Variants in NFKB1 observed in about 807,000 individuals in gnomAD.
NFKB1 encodes the protein nuclear factor NF-kappa-B p105 subunit.
A neutral mutation model predicts 105.1 loss-of-function variants in NFKB1; 9 were observed. The ratio of observed to expected loss-of-function variants is 0.09; its 90% CI spans 0.05 to 0.15. NFKB1 has a LOEUF of 0.15. NFKB1 is among the 10% of genes least tolerant of loss of function. NFKB1 has a pLI of 1.00. For synonymous variants in NFKB1, 440 were observed against 442.2 expected (o/e 1.00, Z 0.06); for missense variants, 830 against 1,203.7 (o/e 0.69, Z 4.59).
chr4:102,615,196 C>T (rs1350317922), intron 23 of NFKB1, among the ~76,000 whole-genome samples: 2 of 152,202 alleles, frequency 1.3e-5, no homozygotes, highest in Admixed American at 1.3e-4. Flanking sequence ...AATCCTGATC[C>T]AGCATACACT....
chr4:102,557,664 T>A (rs938611003), intron 5 of NFKB1, among the ~76,000 whole-genome samples: 1 of 151,990 alleles, frequency 6.6e-6, no homozygotes, highest in African/African-American at 2.4e-5. Flanking sequence ...AAATGAAGCA[T>A]AGAGGAAATA....
In NFKB1 at chr4:102,593,527, G is replaced by T. The variant is rs1726346285; in HGVS notation, c.1169G>T (p.Gly390Val). ...GGAGCTGGAGGCGGAGGCATGTTTG[G>T]TAGTGGCGGTGGAGGAGGGGGCACT... is the stretch of plus-strand genomic sequence containing the variant. Reference protein sequence around the residue: ...GAGAGGGGMFGSGGGGGGTGS... With the variant: ...GAGAGGGGMFVSGGGGGGTGS... Residue 390 changes from glycine to valine, a missense_variant, in exon 12 of 24, where the codon GGT becomes GTT. Gly to Val is a moderately radical substitution (Grantham distance 109, BLOSUM62 -3). Around this residue, in one of 8 missense-constraint regions of NFKB1, gnomAD observed 163 missense variants for 164.3 expected, o/e 0.99. Coordinates refer to ENST00000226574, the MANE Select transcript of NFKB1 (RefSeq NM_003998.4). The T allele has an allele frequency of 2.5e-6, 4 of 1,613,800 alleles. No individual in the cohort carries two copies. The highest frequency in any genetic ancestry group is 3.4e-6 in the Non-Finnish European group (4 of 1,179,720).
At chr4:102,611,142 CT>C (rs1198803603) in intron 20 of NFKB1, among the ~76,000 whole-genome samples, 4 of 152,142 alleles carry the variant, frequency 2.6e-5, no homozygotes, top group Non-Finnish European at 4.4e-5. Flanking sequence ...GATTTAAAGC[CT>C]TCCTCAAAAC....
In NFKB1 at chr4:102,600,987, A is replaced by G; in HGVS notation, c.1730A>G (p.Asn577Ser). Residue 577 changes from asparagine (N) to serine (S), a missense_variant, in exon 16 of 24, where the codon AAC becomes AGC. This residue lies in a region of NFKB1 where 418 missense variants were observed against 575.3 expected (regional missense o/e 0.73). Transcript: ENST00000226574. The part of the protein sequence containing the change: ...TSGLISDDII[N>S]MRNDLYQTPL... Reference sequence around the variant, plus strand: ...GGTTTGATTTCTGATGACATTATCAACATGAGAAATGATCTGTACCAGGTA... The same window carrying G: ...GGTTTGATTTCTGATGACATTATCAGCATGAGAAATGATCTGTACCAGGTA... The G allele has an allele frequency of 6.2e-7, 1 of 1,601,400 alleles. No homozygotes were observed. The highest frequency in any genetic ancestry group is 8.6e-7 in the Non-Finnish European group (1 of 1,168,570).
chr4:102,517,070 G>C (rs1740236504), intron 1 of NFKB1, among the ~76,000 whole-genome samples: 1 of 152,170 alleles, frequency 6.6e-6, no homozygotes, highest in Non-Finnish European at 1.5e-5. Flanking sequence ...GCAGGGTCTT[G>C]TCCTACACTA....
intron 3 of NFKB1, among the ~76,000 whole-genome samples, 164 bp downstream of exon 3, chr4:102,530,078 C>T (rs531382571): frequency 1.3e-4 from 20 of 152,232 alleles, no homozygotes; most frequent in African/African-American, 2.9e-4. Context: ...AATATATTTG[C>T]ACAAAAATAT....
At chr4:102,523,757 C>A (rs72929590) in intron 1 of NFKB1, among the ~76,000 whole-genome samples, 1,856 of 152,270 alleles carry the variant, frequency 0.012, 47 homozygotes, top group African/African-American at 0.042. Context: ...GAAGCCAGGT[C>A]TTCTCCATGT....
Position 102,616,717 on chromosome 4 carries a change from G to C in NFKB1, c.*123G>C, listed in dbSNP as rs146956339. The C allele has an allele frequency of 2.0e-6, 2 of 979,272 alleles. No homozygotes were observed. Among genetic ancestry groups the C allele is most frequent in the South Asian group, 1.8e-5 (1 of 55,694 alleles). The allele number at this position is 979,272 out of a possible 1,614,324, so 60.7% of individuals were successfully genotyped here. A position where few individuals can be genotyped will look rare whatever the true frequency, so the allele number is the denominator to read the frequency against. On this transcript the variant is annotated 3_prime_UTR_variant, in exon 24 of 24. Transcript: ENST00000226574. The stretch of plus-strand genomic sequence containing the variant: ...GAGCCGGCCCGCCTGAATCATTCTC[G>C]ATTTAACTCGAGACCTTTTCAACTT...
chr4:102,506,699 T>C (rs1560625584), intron 1 of NFKB1, among the ~76,000 whole-genome samples: 1 of 152,180 alleles, frequency 6.6e-6, no homozygotes, highest in Admixed American at 6.5e-5. Flanking sequence ...CCTAGTGTCA[T>C]TGTGCCCCCT....
At chr4:102,594,412 C>T (rs4648057) in intron 12 of NFKB1, among the ~76,000 whole-genome samples, 2,643 of 152,282 alleles carry the variant, frequency 0.017, 36 homozygotes, top group African/African-American at 0.044. Flanking sequence ...ACATCTAATG[C>T]CATCTGTTTT....
At chr4:102,568,208 CTGTGAAAATATTTAAG>C (rs1423161768) in intron 6 of NFKB1, among the ~76,000 whole-genome samples, 2 of 151,686 alleles carry the variant, frequency 1.3e-5, no homozygotes, top group Non-Finnish European at 2.9e-5. Flanking sequence ...CTTTGTTTGA[CTGTGAAAATATTTAAG>C]TGTGAAAAAC....
intron 16 of NFKB1, among the ~76,000 whole-genome samples, chr4:102,606,244 C>T (rs1302617164): frequency 6.6e-6 from 1 of 152,088 alleles, no homozygotes; most frequent in Non-Finnish European, 1.5e-5. Flanking sequence ...TACTATTTGT[C>T]AATTAAATTT....
At chr4:102,564,462 G>A (rs1723693160) in intron 5 of NFKB1, among the ~76,000 whole-genome samples, 1 of 152,110 alleles carries the variant, frequency 6.6e-6, no homozygotes, top group Admixed American at 6.5e-5. Context: ...AAACCCAGGG[G>A]GCTCCCTGTC....
chr4:102,611,954 G>A (rs377605347), intron 20 of NFKB1, 90 bp from the exon 21 acceptor site: 2 of 994,914 alleles, frequency 2.0e-6, no homozygotes, highest in East Asian at 5.0e-5. Context: ...CTCCTAAGGA[G>A]GACATGCTGA....
intron 6 of NFKB1, among the ~76,000 whole-genome samples, chr4:102,571,952 A>T (rs188296264): frequency 1.1e-4 from 17 of 152,324 alleles, no homozygotes; most frequent in African/African-American, 3.8e-4. Flanking sequence ...TAGAACTAGA[A>T]ATGCCATTTG....
At position 102,574,578 on chromosome 4, in the gene NFKB1, C is replaced by T. The variant is rs534159366; in HGVS notation, c.408-2298C>T. ...TGTGTCTCCTCAACCTCAGAGATTG[C>T]CAGGCTCTGTTGGGGTTCCTCCTTC... On this transcript the variant is annotated intron_variant, in intron 6 of 23. Transcript: ENST00000226574. 3.4e-4 allele frequency among the ~76,000 whole-genome samples: 51 copies of T among 152,202 alleles called. 1 individual carries two copies. Among genetic ancestry groups the T allele is most frequent in the Middle Eastern group, 3.4e-3 (1 of 294 alleles).
chr4:102,598,355 C>T (rs1726820246), intron 15 of NFKB1, among the ~76,000 whole-genome samples: 1 of 152,224 alleles, frequency 6.6e-6, no homozygotes. Context: ...TAACAAGAGA[C>T]AGCAGCCTTC....
Position 102,617,044 on chromosome 4 carries a change from A to AT in NFKB1, c.*454dup, listed in dbSNP as rs1484164798. On this transcript the variant is annotated 3_prime_UTR_variant, in exon 24 of 24. Coordinates refer to ENST00000226574, the MANE Select transcript of NFKB1 (RefSeq NM_003998.4). Reference sequence around the variant, plus strand: ...TAAAATGAGAGTCACTTGATGTGCCATTTTAAAAAAAAAGGCATATTGCTT... The same window carrying AT: ...TAAAATGAGAGTCACTTGATGTGCCATTTTTAAAAAAAAAGGCATATTGCTT... 2 of 134,862 alleles carry AT rather than the reference A, an allele frequency of 1.5e-5. No homozygotes were observed. Among genetic ancestry groups the AT allele is most frequent in the Non-Finnish European group, 3.1e-5 (2 of 64,584 alleles). 8.4% of individuals were successfully genotyped at this position (134,862 alleles called of 1,614,324 possible).
At chr4:102,546,768 C>G (rs748328437) in intron 5 of NFKB1, among the ~76,000 whole-genome samples, 10 of 152,190 alleles carry the variant, frequency 6.6e-5, no homozygotes, top group Non-Finnish European at 1.3e-4. Flanking sequence ...AGGACTCTCT[C>G]AGGGCTATAG....
Sources: allele counts gnomAD v4.1 joint callset (sites outside exome capture counted in the v4.1 genomes callset), GRCh38; gene constraint gnomAD v4.1.1; regional missense constraint gnomAD v4.1.1; transcripts MANE v1.5; gene names NCBI Gene and HGNC (gene_info 2026-07-23, HGNC 2026-07-21).